Variants in ZNF660 observed in about 807,000 individuals in gnomAD.
ZNF660 encodes zinc finger protein 660.
A neutral mutation model predicts 23.2 loss-of-function variants in ZNF660; 24 were observed. That is an observed-to-expected ratio of 1.04 (90% CI 0.75 to 1.46). ZNF660 has a LOEUF of 1.46. ZNF660 is among the 40% of genes most tolerant of loss of function. ZNF660 has a pLI of 0.00. For synonymous variants in ZNF660, 117 were observed against 131.4 expected (o/e 0.89, Z 0.75); for missense variants, 373 against 396.8 (o/e 0.94, Z 0.51).
intron 2 of ZNF660, among the ~76,000 whole-genome samples, chr3:44,589,187 C>G (rs1266885693): frequency 6.6e-6 from 1 of 152,214 alleles, no homozygotes; most frequent in African/African-American, 2.4e-5. Flanking sequence ...ATTCATTTCC[C>G]TTCCTCTTTT....
rs1700649334 is a variant in ZNF660, at chr3:44,597,460, TG to T, written c.*2272del. ...AAGTGAAGGGTGAAGGTTGTATATTTGTGTGAAAAAAAATTACTGATTTTGT... is the reference window on the plus strand; with the variant it reads ...AAGTGAAGGGTGAAGGTTGTATATTTTGTGAAAAAAAATTACTGATTTTGT... On this transcript the variant is annotated 3_prime_UTR_variant, in exon 3 of 3. Coordinates refer to ENST00000322734, the MANE Select transcript of ZNF660 (RefSeq NM_173658.4). The surrounding 1 kb of genome is among the most constrained non-coding windows in gnomAD (Gnocchi z 4.1). 6.6e-6 allele frequency: 1 copy of T among 152,182 alleles called. No homozygotes were observed. Among genetic ancestry groups the T allele is most frequent in the African/African-American group, 2.4e-5 (1 of 41,446 alleles). 9.4% of individuals were successfully genotyped at this position (152,182 alleles called of 1,614,324 possible).
In ZNF660 at chr3:44,598,142, C is replaced by CTTTTTT. The variant is rs57347534; in HGVS notation, c.*2964_*2969dup. ...CTTTTTCTTTCTTTTCTTTTCTTTT[C>CTTTTTT]TTTTTTTTTTTTTTTTGAGATGGAA... is the stretch of plus-strand genomic sequence containing the variant. On this transcript the variant is annotated 3_prime_UTR_variant, in exon 3 of 3. Coordinates refer to ENST00000322734, the MANE Select transcript of ZNF660 (RefSeq NM_173658.4). 1 of 97,274 alleles carries CTTTTTT rather than the reference C, an allele frequency of 1.0e-5. No individual in the cohort carries two copies. Among genetic ancestry groups the CTTTTTT allele is most frequent in the Non-Finnish European group, 2.2e-5 (1 of 45,758 alleles). 6.0% of individuals were successfully genotyped at this position (97,274 alleles called of 1,614,324 possible). A position where few individuals can be genotyped will look rare whatever the true frequency, so the allele number is the denominator to read the frequency against.
chr3:44,597,844 C>G lies in ZNF660; in HGVS notation c.*2655C>G, dbSNP rs1048791352. ...CTTCATATTTCTTGCCCCAGGCAGG[C>G]GAGGATTATAGTCTCTTGAGGAGGC... On this transcript the variant is annotated 3_prime_UTR_variant, in exon 3 of 3. Coordinates refer to ENST00000322734, the MANE Select transcript of ZNF660 (RefSeq NM_173658.4). This position sits in a 1 kb window ranked among gnomAD's most constrained non-coding sequence, Gnocchi z 4.1. 2 of 152,216 alleles carry G rather than the reference C, an allele frequency of 1.3e-5. No individual in the cohort carries two copies. Among genetic ancestry groups the G allele is most frequent in the Non-Finnish European group, 2.9e-5 (2 of 68,046 alleles). 9.4% of individuals were successfully genotyped at this position (152,216 alleles called of 1,614,324 possible).
At position 44,594,625 on chromosome 3, in the gene ZNF660, T is replaced by G. The variant is rs749898748; in HGVS notation, c.432T>G (p.Ser144Arg). The change falls in exon 3 of 3, where the codon AGT (serine) becomes AGG (arginine). Residue 144 changes from serine to arginine, a missense_variant. Transcript: ENST00000322734. ...GTAAAGAGTGTGGGAAAGCCTTTAG[T>G]CGGAGTTCGGGCCTTATATCACATC... ...YECKECGKAF[S>R]RSSGLISHHR... The G allele has an allele frequency of 6.2e-7, 1 of 1,613,542 alleles. No individual in the cohort carries two copies. The highest frequency in any genetic ancestry group is 1.1e-5 in the South Asian group (1 of 91,032).
intron 2 of ZNF660, among the ~76,000 whole-genome samples, chr3:44,588,043 G>A (rs943350775): frequency 4.6e-5 from 7 of 152,128 alleles, no homozygotes; most frequent in South Asian, 2.1e-4. Context: ...CAACAAGAGC[G>A]AAACTTCGTC....
In ZNF660 at chr3:44,599,620, T is replaced by C. The variant is rs967964381; in HGVS notation, c.*4431T>C. 6.6e-6 allele frequency: 1 copy of C among 152,216 alleles called. No homozygotes were observed. Among genetic ancestry groups the C allele is most frequent in the Non-Finnish European group, 1.5e-5 (1 of 68,030 alleles). 9.4% of individuals were successfully genotyped at this position (152,216 alleles called of 1,614,324 possible). On this transcript the variant is annotated 3_prime_UTR_variant, in exon 3 of 3. Transcript: ENST00000322734. ...CTGTCTTTAATAGCCTCTGATGTTA[T>C]AAAACTGGAGTCATGAAATTGTTTT...
intron 2 of ZNF660, among the ~76,000 whole-genome samples, chr3:44,588,320 C>G (rs777592695): frequency 2.6e-5 from 4 of 152,038 alleles, no homozygotes; most frequent in African/African-American, 4.8e-5. Context: ...AACTCACTAT[C>G]ACAAGGACAG....
chr3:44,588,705 A>G (rs1329114799), intron 2 of ZNF660, among the ~76,000 whole-genome samples: 1 of 152,086 alleles, frequency 6.6e-6, no homozygotes, highest in Non-Finnish European at 1.5e-5. Flanking sequence ...ACCTGGGCTC[A>G]GGCAGTCCTC....
rs1428400864 is a variant in ZNF660, at chr3:44,594,144, A to T, written c.-50A>T. The stretch of plus-strand genomic sequence containing the variant: ...GTCAAAATTTAGAAGGCTCCTCTGA[A>T]GGGAAAGAGAAGACTAGAGAGGACA... On this transcript the variant is annotated 5_prime_UTR_variant, in exon 3 of 3. In the 5' UTR this introduces an upstream ATG that the reference lacks. Coordinates refer to ENST00000322734, the MANE Select transcript of ZNF660 (RefSeq NM_173658.4). 3.7e-6 allele frequency: 6 copies of T among 1,610,038 alleles called. No individual in the cohort carries two copies. The highest frequency in any genetic ancestry group is 8.5e-7 in the Non-Finnish European group (1 of 1,177,916).
chr3:44,588,650 C>A (rs575179420), intron 2 of ZNF660, among the ~76,000 whole-genome samples: 4 of 152,106 alleles, frequency 2.6e-5, no homozygotes, highest in Non-Finnish European at 5.9e-5. Flanking sequence ...TATGCCACCA[C>A]ACCTGGCTCA....
rs568137465 is a variant in ZNF660, at chr3:44,590,689, G to A, written c.-180-3325G>A. Among the ~76,000 whole-genome samples, 15 of 152,294 alleles carry A rather than the reference G, an allele frequency of 9.8e-5. No individual in the cohort carries two copies. In the East Asian group the frequency reaches 1.2e-3, roughly 12 times the overall value. On this transcript the variant is annotated intron_variant, in intron 2 of 2. Coordinates refer to ENST00000322734, the MANE Select transcript of ZNF660 (RefSeq NM_173658.4). ...CTCATTAGTTATGAGTTTAAGAAAT[G>A]TATGAAGAAAAGAGAAGTTCCAGAG...
intron 2 of ZNF660, chr3:44,587,319 T>G (rs1301271945): frequency 6.6e-6 from 1 of 152,218 alleles, no homozygotes; most frequent in Admixed American, 6.5e-5. Flanking sequence ...CTGAAATGGA[T>G]GGTGGTCCTA....
rs1559445359 is a variant in ZNF660, at chr3:44,597,080, C to T, written c.*1891C>T. On this transcript the variant is annotated 3_prime_UTR_variant, in exon 3 of 3. Coordinates refer to ENST00000322734, the MANE Select transcript of ZNF660 (RefSeq NM_173658.4). This position sits in a 1 kb window ranked among gnomAD's most constrained non-coding sequence, Gnocchi z 4.1. ...TTTTGATAATATGTTATTTAGTTCT[C>T]CCTCTATTATACAAGAAAATTGAGT... is the stretch of plus-strand genomic sequence containing the variant. 1 of 152,152 alleles carries T rather than the reference C, an allele frequency of 6.6e-6. No individual in the cohort carries two copies. Among genetic ancestry groups the T allele is most frequent in the Admixed American group, 6.5e-5 (1 of 15,280 alleles). 9.4% of individuals were successfully genotyped at this position (152,152 alleles called of 1,614,324 possible). A position where few individuals can be genotyped will look rare whatever the true frequency, so the allele number is the denominator to read the frequency against.
intron 2 of ZNF660, among the ~76,000 whole-genome samples, chr3:44,592,942 A>T (rs1575405137): frequency 6.6e-6 from 1 of 151,902 alleles, no homozygotes; most frequent in Non-Finnish European, 1.5e-5. Flanking sequence ...AGCCCCAGCC[A>T]CTCGGGAGGC....
chr3:44,595,633 A>G lies in ZNF660; in HGVS notation c.*444A>G, dbSNP rs908315299. On this transcript the variant is annotated 3_prime_UTR_variant, in exon 3 of 3. Transcript: ENST00000322734. ...TCTATTTTCTTCTGTATACTTTTCT[A>G]TGCTTTCTAGATTATCTACATGAGA... 10 of 169,052 alleles carry G rather than the reference A, an allele frequency of 5.9e-5. No individual in the cohort carries two copies. Among genetic ancestry groups the G allele is most frequent in the African/African-American group, 2.4e-4 (10 of 41,476 alleles). 10.5% of individuals were successfully genotyped at this position (169,052 alleles called of 1,614,324 possible).
intron 2 of ZNF660, among the ~76,000 whole-genome samples, chr3:44,589,400 A>G (rs1024840592): frequency 1.3e-5 from 2 of 152,188 alleles, no homozygotes; most frequent in Non-Finnish European, 2.9e-5. Flanking sequence ...TGATTGCCCT[A>G]CTTGACATCT....
chr3:44,596,080 G>C lies in ZNF660; in HGVS notation c.*891G>C, dbSNP rs1388065630. 1.8e-5 allele frequency: 3 copies of C among 166,582 alleles called. No homozygotes were observed. The highest frequency in any genetic ancestry group is 7.2e-5 in the African/African-American group (3 of 41,420). The allele number at this position is 166,582 out of a possible 1,614,324, so 10.3% of individuals were successfully genotyped here. On this transcript the variant is annotated 3_prime_UTR_variant, in exon 3 of 3. Coordinates refer to ENST00000322734, the MANE Select transcript of ZNF660 (RefSeq NM_173658.4). ...TACACAACCAGAAAAAAATGAAATT[G>C]AAACAACTGTAGACTCAAAAACTTC...
intron 2 of ZNF660, among the ~76,000 whole-genome samples, chr3:44,588,069 G>C (rs999282125): frequency 1.1e-4 from 17 of 152,202 alleles, no homozygotes; most frequent in South Asian, 8.3e-4. Context: ...AAAAAAGAAA[G>C]AAAGAAAGAA....
chr3:44,589,458 A>T (rs1700342194), intron 2 of ZNF660, among the ~76,000 whole-genome samples: 1 of 152,126 alleles, frequency 6.6e-6, no homozygotes, highest in South Asian at 2.1e-4. Context: ...CCCATGTGTT[A>T]TCCCAGCTGC....
Sources: gnomAD v4.1 joint callset for allele counts (sites outside exome capture counted in the v4.1 genomes callset) on GRCh38, gnomAD v4.1.1 for gene constraint, Gnocchi (gnomAD v3.1) non-coding constraint, MANE v1.5 for transcripts, NCBI Gene and HGNC (gene_info 2026-07-23, HGNC 2026-07-21) for gene names.